Variants in GLP1R observed in about 807,000 individuals in gnomAD.
GLP1R encodes the protein glucagon like peptide 1 receptor.
Under a neutral mutation model 68.4 loss-of-function variants are expected in GLP1R, and 32 were observed. The ratio of observed to expected loss-of-function variants is 0.47; its 90% CI spans 0.35 to 0.63. GLP1R has a LOEUF of 0.63. Ranked by LOEUF, GLP1R falls within the 20% of genes least tolerant of loss-of-function variation. The pLI, the probability that GLP1R is intolerant of heterozygous loss-of-function variation, is 0.00. For missense variants in GLP1R, 502 were observed against 594.9 expected (o/e 0.84, Z 1.62); for synonymous variants, 263 against 244.4 (o/e 1.08, Z -0.71).
intron 1 of GLP1R, among the ~76,000 whole-genome samples, chr6:39,052,729 G>A (rs532431163): frequency 6.6e-6 from 1 of 152,258 alleles, no homozygotes; most frequent in East Asian, 1.9e-4. Context: ...AAGTCACAAA[G>A]ATTTTCACCT....
intron 12 of GLP1R, among the ~76,000 whole-genome samples, chr6:39,082,882 C>A (rs1769042673): frequency 6.6e-6 from 1 of 151,996 alleles, no homozygotes; most frequent in Non-Finnish European, 1.5e-5. Context: ...CTTCTCTATC[C>A]TCTGACACTG....
In GLP1R at chr6:39,090,779, T is replaced by C. The variant is rs1452159340; in HGVS notation, c.*4706T>C. On this transcript the variant is annotated 3_prime_UTR_variant, in exon 13 of 13. Coordinates refer to ENST00000373256, the MANE Select transcript of GLP1R (RefSeq NM_002062.5). ...AAAAACATATCTAAATGAGAATGTTTAGATGTGGTGAGAAAAGAGCTCTCA... is the reference window on the plus strand; with the variant it reads ...AAAAACATATCTAAATGAGAATGTTCAGATGTGGTGAGAAAAGAGCTCTCA... Among the ~76,000 whole-genome samples, 1 of 152,158 alleles carries C rather than the reference T, an allele frequency of 6.6e-6. No individual in the cohort carries two copies. The highest frequency in any genetic ancestry group is 1.5e-5 in the Non-Finnish European group (1 of 68,020).
intron 1 of GLP1R, among the ~76,000 whole-genome samples, chr6:39,055,587 C>T (rs1768191221): frequency 6.6e-6 from 1 of 152,178 alleles, no homozygotes; most frequent in South Asian, 2.1e-4. Context: ...GGATCCCTCC[C>T]ATTGCACGTG....
At chr6:39,078,405 G>T in intron 8 of GLP1R, 23 bp downstream of exon 8, 2 of 1,571,004 alleles carry the variant, frequency 1.3e-6, no homozygotes, top group Non-Finnish European at 1.8e-6. Context: ...CTCCAAGGGG[G>T]CGGGTGTGCC....
rs1333967278 is a variant in GLP1R at position 39,065,778 on chromosome 6, C to T, written c.351C>T (p.Ser117=). The change falls in exon 4 of 13, where the codon AGC becomes AGT. Residue 117 remains serine, a synonymous_variant. Coordinates refer to ENST00000373256, the MANE Select transcript of GLP1R (RefSeq NM_002062.5). ...TCTGGCTGCAGAAGGACAACTCCAG[C>T]CTGCCCTGGAGGGACTTGTCGGAGT... ...EGLWLQKDNS[S]LPWRDLSECE... is the part of the protein sequence containing the mutation. The T allele has an allele frequency of 6.9e-6, 11 of 1,597,204 alleles. No individual in the cohort carries two copies. Among genetic ancestry groups the T allele is most frequent in the African/African-American group, 5.3e-5 (4 of 74,894 alleles).
chr6:39,076,673 C>T (rs185729107), intron 7 of GLP1R, among the ~76,000 whole-genome samples: 137 of 152,258 alleles, frequency 9.0e-4, no homozygotes, highest in African/African-American at 3.2e-3. Flanking sequence ...ACTCATGGTC[C>T]ACCCACCACA....
Position 39,057,527 on chromosome 6 carries a change from A to G in GLP1R, c.231A>G (p.Pro77=), listed in dbSNP as rs1768242690. 6.2e-7 allele frequency: 1 copy of G among 1,613,554 alleles called. No individual in the cohort carries two copies. Among genetic ancestry groups the G allele is most frequent in the African/African-American group, 1.3e-5 (1 of 74,912 alleles). Residue 77 remains proline, a synonymous_variant, in exon 3 of 13, where the codon CCA becomes CCG. Coordinates refer to ENST00000373256, the MANE Select transcript of GLP1R (RefSeq NM_002062.5). ...DEYACWPDGE[P]GSFVNVSCPW... is the part of the protein sequence containing the mutation. ...ACGCCTGCTGGCCAGATGGGGAGCC[A>G]GGCTCGTTCGTGAATGTCAGCTGCC... is the stretch of plus-strand genomic sequence containing the variant.
intron 3 of GLP1R, among the ~76,000 whole-genome samples, chr6:39,058,677 C>A (rs867207517): frequency 9.3e-6 from 1 of 107,952 alleles, no homozygotes; most frequent in Non-Finnish European, 2.4e-5. Context: ...ATCACCATCA[C>A]CATCATCATC....
At position 39,048,861 on chromosome 6, in the gene GLP1R, G is replaced by C. The variant is rs988014251; in HGVS notation, c.21G>C (p.Pro7=). 6.7e-7 allele frequency: 1 copy of C among 1,496,530 alleles called. No individual in the cohort carries two copies. The highest frequency in any genetic ancestry group is 2.8e-5 in the East Asian group (1 of 35,344). The allele number at this position is 1,496,530 out of a possible 1,614,324, so 92.7% of individuals were successfully genotyped here. Residue 7 remains proline, a synonymous_variant, in exon 1 of 13, where the codon CCG becomes CCC. Coordinates refer to ENST00000373256, the MANE Select transcript of GLP1R (RefSeq NM_002062.5). MAGAPG[P]LRLALLLLGM... ...CCGCCATGGCCGGCGCCCCCGGCCCGCTGCGCCTTGCGCTGCTGCTGCTCG... is the reference window on the plus strand; with the variant it reads ...CCGCCATGGCCGGCGCCCCCGGCCCCCTGCGCCTTGCGCTGCTGCTGCTCG...
chr6:39,065,862 G>T, intron 4 of GLP1R, 33 bp downstream of exon 4: 1 of 1,313,496 alleles, frequency 7.6e-7, no homozygotes, highest in South Asian at 1.2e-5. Flanking sequence ...GCCAGGGAGC[G>T]GGGAGCCATG....
Position 39,079,081 on chromosome 6 carries a change from C to T in GLP1R, c.955-31C>T. On this transcript the variant is annotated intron_variant, in intron 9 of 12. Coordinates refer to ENST00000373256, the MANE Select transcript of GLP1R (RefSeq NM_002062.5). This position sits in a 1 kb window ranked among gnomAD's most constrained non-coding sequence, Gnocchi z 4.5. Reference sequence around the variant, plus strand: ...CAGCTATGATAGGGCTGGGCTGGTGCCCCCTGCCAATCCCCGGCCCCACCC... The same window carrying T: ...CAGCTATGATAGGGCTGGGCTGGTGTCCCCTGCCAATCCCCGGCCCCACCC... The T allele has an allele frequency of 6.2e-7, 1 of 1,603,570 alleles. No homozygotes were observed. The highest frequency in any genetic ancestry group is 8.5e-7 in the Non-Finnish European group (1 of 1,170,382).
Position 39,078,822 on chromosome 6 carries a change from T to G in GLP1R, c.885-135T>G, listed in dbSNP as rs1191402868. Reference sequence around the variant, plus strand: ...GGCTCTGTGGGTCCATGGGACTGGTTTTTGGGTGGCTCCTGGGAGCTGTGT... The same window carrying G: ...GGCTCTGTGGGTCCATGGGACTGGTGTTTGGGTGGCTCCTGGGAGCTGTGT... On this transcript the variant is annotated intron_variant, in intron 8 of 12. Coordinates refer to ENST00000373256, the MANE Select transcript of GLP1R (RefSeq NM_002062.5). The G allele has an allele frequency of 9.3e-5, 71 of 760,292 alleles. 1 individual carries two copies. The highest frequency in any genetic ancestry group is 1.2e-4 in the Non-Finnish European group (51 of 429,334). 47.1% of individuals were successfully genotyped at this position (760,292 alleles called of 1,614,324 possible). A position where few individuals can be genotyped will look rare whatever the true frequency, so the allele number is the denominator to read the frequency against.
intron 12 of GLP1R, among the ~76,000 whole-genome samples, chr6:39,082,733 A>T (rs929074909): frequency 5.9e-5 from 9 of 152,086 alleles, no homozygotes; most frequent in African/African-American, 2.2e-4. Context: ...GCTGCTTTCC[A>T]TTCCAGCCCA....
chr6:39,076,756 G>A (rs1238024681), intron 7 of GLP1R, among the ~76,000 whole-genome samples: 1 of 152,158 alleles, frequency 6.6e-6, no homozygotes, highest in Admixed American at 6.5e-5. Context: ...CCAACACTGA[G>A]GGAGGGGCCA....
intron 5 of GLP1R, among the ~76,000 whole-genome samples, chr6:39,070,706 C>G (rs757303444): frequency 2.0e-5 from 3 of 152,192 alleles, no homozygotes; most frequent in Admixed American, 6.5e-5. Flanking sequence ...CCAAAGAGAT[C>G]AAGCATTTTT....
At chr6:39,074,892 C>G (rs947798762) in intron 7 of GLP1R, among the ~76,000 whole-genome samples, 1 of 152,156 alleles carries the variant, frequency 6.6e-6, no homozygotes, top group Non-Finnish European at 1.5e-5. Flanking sequence ...TGTCCTTGCA[C>G]TTCATTTATT....
chr6:39,059,589 T>C (rs1379252395), intron 3 of GLP1R, among the ~76,000 whole-genome samples: 1 of 152,174 alleles, frequency 6.6e-6, no homozygotes, highest in African/African-American at 2.4e-5. Flanking sequence ...CTTGGTTGAC[T>C]CATCTGGGAG....
intron 1 of GLP1R, among the ~76,000 whole-genome samples, chr6:39,054,676 C>T (rs1479556490): frequency 6.6e-6 from 1 of 152,210 alleles, no homozygotes; most frequent in Non-Finnish European, 1.5e-5. Context: ...CCCAGACACA[C>T]CTTCTGCCCC....
At chr6:39,078,519 C>T in intron 8 of GLP1R, 137 bp downstream of exon 8, 4 of 709,062 alleles carry the variant, frequency 5.6e-6, no homozygotes, top group Non-Finnish European at 1.0e-5. Context: ...GAATTTAGTT[C>T]TCTAATCTCC....
Sources: allele counts gnomAD v4.1 joint callset (sites outside exome capture counted in the v4.1 genomes callset), GRCh38; gene constraint gnomAD v4.1.1; non-coding constraint Gnocchi (gnomAD v3.1); transcripts MANE v1.5; gene names NCBI Gene and HGNC (gene_info 2026-07-23, HGNC 2026-07-21).